The following SRGAP2 variants were observed in gnomAD, a reference collection of about 807,000 sequenced individuals.
SRGAP2 encodes SLIT-ROBO Rho GTPase-activating protein 2.
Under a neutral mutation model 57.2 loss-of-function variants are expected in SRGAP2, and 15 were observed. That is an observed-to-expected ratio of 0.26 (90% CI 0.18 to 0.40). The LOEUF is 0.40. Ranked by LOEUF, SRGAP2 falls within the 10% of genes least tolerant of loss-of-function variation. The probability of loss-of-function intolerance (pLI) is 1.00; values close to 1 mark genes in which losing one functional copy is unlikely to be tolerated. For synonymous variants in SRGAP2, 249 were observed against 248.0 expected (o/e 1.00, Z -0.04); for missense variants, 520 against 669.6 (o/e 0.78, Z 2.47).
chr1:206,397,241 A>G (rs1383282044), intron 7 of SRGAP2, among the ~76,000 whole-genome samples: 2 of 151,928 alleles, frequency 1.3e-5, no homozygotes, highest in Non-Finnish European at 2.9e-5. Flanking sequence ...AATTTCATCC[A>G]TGTTGTTTGC....
intron 14 of SRGAP2, 140 bp from the exon 15 acceptor site, chr1:206,436,825 T>G (rs1036361279): frequency 8.0e-5 from 53 of 661,418 alleles, no homozygotes; most frequent in Non-Finnish European, 1.5e-4. Context: ...TTGCACATGT[T>G]TTTCTCCTTT....
chr1:206,432,243 C>T (rs1661337080), intron 14 of SRGAP2, among the ~76,000 whole-genome samples: 1 of 152,138 alleles, frequency 6.6e-6, no homozygotes, highest in Non-Finnish European at 1.5e-5. Flanking sequence ...CCTGTTTCTG[C>T]CCCTTACAGC....
rs1308034284 is a variant in SRGAP2 at position 206,445,610 on chromosome 1, C to T, written c.1875-465C>T. Among the ~76,000 whole-genome samples, 4 of 152,194 alleles carry T rather than the reference C, an allele frequency of 2.6e-5. No homozygotes were observed. The East Asian group carries it at 7.7e-4, about 29-fold the overall frequency. On this transcript the variant is annotated intron_variant, in intron 17 of 22. Transcript: ENST00000573034. ...CTAATAATTTGATTATTTTGTTATG[C>T]AAGAAGGTACACAATGCACAGTGCC... is the stretch of plus-strand genomic sequence containing the variant.
rs547045083 is a variant in SRGAP2, at chr1:206,358,125, A to G, written c.423+15117A>G. On this transcript the variant is annotated intron_variant, in intron 4 of 22. Coordinates refer to ENST00000573034, the MANE Select transcript of SRGAP2 (RefSeq NM_015326.5). ...TCATTGTCTTAGAGCTTAGCTGAGAATCAGTGCTACGCCTGAGCTTGGGCC... is the reference window on the plus strand; with the variant it reads ...TCATTGTCTTAGAGCTTAGCTGAGAGTCAGTGCTACGCCTGAGCTTGGGCC... 3.3e-5 allele frequency among the ~76,000 whole-genome samples: 5 copies of G among 152,282 alleles called. No homozygotes were observed. The South Asian group carries it at 1.0e-3, about 32-fold the overall frequency.
At chr1:206,310,193 A>G (rs1299829479) in intron 3 of SRGAP2, among the ~76,000 whole-genome samples, 1 of 151,534 alleles carries the variant, frequency 6.6e-6, no homozygotes, top group Non-Finnish European at 1.5e-5. Context: ...GCAAAATGGC[A>G]ATTTCATATG....
intron 2 of SRGAP2, among the ~76,000 whole-genome samples, chr1:206,273,660 C>T (rs2102662729): frequency 6.7e-6 from 1 of 149,914 alleles, no homozygotes; most frequent in East Asian, 1.9e-4. Flanking sequence ...TTCAGACTGA[C>T]CCCAGAGCAA....
At chr1:206,391,615 G>GCACA (rs201726708) in intron 5 of SRGAP2, among the ~76,000 whole-genome samples, 2,450 of 115,282 alleles carry the variant, frequency 0.021, 51 homozygotes, top group East Asian at 0.029. Context: ...ACACACACAT[G>GCACA]CACACACACA....
intron 4 of SRGAP2, among the ~76,000 whole-genome samples, chr1:206,371,629 G>T (rs1654558195): frequency 6.6e-6 from 1 of 151,638 alleles, no homozygotes; most frequent in Non-Finnish European, 1.5e-5. Flanking sequence ...TACTTGGGAG[G>T]CTGAGGCAGG....
chr1:206,409,937 A>G (rs1275517779), intron 10 of SRGAP2, among the ~76,000 whole-genome samples: 1 of 150,990 alleles, frequency 6.6e-6, no homozygotes, highest in Non-Finnish European at 1.5e-5. Context: ...CGTCTCTACT[A>G]AAAACACAAA....
chr1:206,272,900 A>C (rs1443785420), intron 2 of SRGAP2, among the ~76,000 whole-genome samples: 1 of 152,188 alleles, frequency 6.6e-6, no homozygotes, highest in African/African-American at 2.4e-5. Flanking sequence ...TAAAGCGTTC[A>C]GGATAGTGCT....
rs1392384657 is a variant in SRGAP2, at chr1:206,311,490, A to G, written c.260+8017A>G. 5.9e-5 allele frequency among the ~76,000 whole-genome samples: 9 copies of G among 152,332 alleles called. 1 individual carries two copies. In the East Asian group the frequency reaches 9.6e-4, roughly 16 times the overall value. ...ACAGTTGAGACAATGGAGAAGTTGT[A>G]GAAAGAAGGTGAAAAGATGGGAAAG... is the stretch of plus-strand genomic sequence containing the variant. On this transcript the variant is annotated intron_variant, in intron 3 of 22. Coordinates refer to ENST00000573034, the MANE Select transcript of SRGAP2 (RefSeq NM_015326.5).
intron 10 of SRGAP2, among the ~76,000 whole-genome samples, chr1:206,413,711 A>G (rs542494746): frequency 6.6e-6 from 1 of 152,172 alleles, no homozygotes; most frequent in Non-Finnish European, 1.5e-5. Flanking sequence ...GCGTGGTAGT[A>G]TCAGGGATGC....
chr1:206,437,138 GAAGCC>G, intron 15 of SRGAP2, 96 bp downstream of exon 15: 4 of 756,488 alleles, frequency 5.3e-6, no homozygotes, highest in Admixed American at 5.3e-5. Context: ...CAGAGGTCAG[GAAGCC>G]AACTTCCCTG....
At chr1:206,333,649 C>A (rs1403620545) in intron 3 of SRGAP2, among the ~76,000 whole-genome samples, 12 of 152,106 alleles carry the variant, frequency 7.9e-5, no homozygotes, top group Non-Finnish European at 7.4e-5. Flanking sequence ...ACCTCAGCTT[C>A]CCGAGTAGCC....
In SRGAP2 at chr1:206,275,530, A is replaced by G. The variant is rs1292828026; in HGVS notation, c.68-27751A>G. Among the ~76,000 whole-genome samples the G allele has an allele frequency of 2.4e-5, 3 of 127,118 alleles. No homozygotes were observed. In the East Asian group the frequency reaches 7.1e-4, roughly 30 times the overall value. 83.4% of individuals were successfully genotyped at this position (127,118 alleles called of 152,430 possible). A position where few individuals can be genotyped will look rare whatever the true frequency, so the allele number is the denominator to read the frequency against. On this transcript the variant is annotated intron_variant, in intron 2 of 22. Coordinates refer to ENST00000573034, the MANE Select transcript of SRGAP2 (RefSeq NM_015326.5). Reference sequence around the variant, plus strand: ...TATGGGTTTAACCCCCTAGAGAGCAATTCCTTTGGGGTGAGGAGACTGGAG... The same window carrying G: ...TATGGGTTTAACCCCCTAGAGAGCAGTTCCTTTGGGGTGAGGAGACTGGAG...
At chr1:206,436,760 G>A (rs1553370175) in intron 14 of SRGAP2, among the ~76,000 whole-genome samples, 1 of 152,176 alleles carries the variant, frequency 6.6e-6, no homozygotes, top group African/African-American at 2.4e-5. Flanking sequence ...CTAACTTGGT[G>A]CTTTCTAGTG....
intron 10 of SRGAP2, among the ~76,000 whole-genome samples, chr1:206,410,597 A>T (rs894568105): frequency 6.6e-6 from 1 of 152,224 alleles, no homozygotes; most frequent in Admixed American, 6.5e-5. Flanking sequence ...ATGATAAATT[A>T]CATTAGAAAT....
intron 1 of SRGAP2, 136 bp downstream of exon 1, chr1:206,203,786 A>G: frequency 6.6e-7 from 1 of 1,523,920 alleles, no homozygotes; most frequent in Non-Finnish European, 8.8e-7. Flanking sequence ...GCCGCCCGGA[A>G]TCCCTCAGAC....
At chr1:206,455,225 C>T in intron 21 of SRGAP2, 1 of 613,770 alleles carries the variant, frequency 1.6e-6, no homozygotes, top group Non-Finnish European at 2.9e-6. Flanking sequence ...AGGTCCAGGT[C>T]TCCAGCTAGC....
Sources: allele counts gnomAD v4.1 joint callset (sites outside exome capture counted in the v4.1 genomes callset), GRCh38; gene constraint gnomAD v4.1.1; transcripts MANE v1.5; gene names NCBI Gene and HGNC (gene_info 2026-07-23, HGNC 2026-07-21).